The following SLC24A2 variants were observed in gnomAD, a reference collection of about 807,000 sequenced individuals.
SLC24A2 encodes the protein solute carrier family 24 member 2.
Under a neutral mutation model 62.0 loss-of-function variants are expected in SLC24A2, and 36 were observed. The ratio of observed to expected loss-of-function variants is 0.58; its 90% CI spans 0.44 to 0.77. The LOEUF is 0.77. Ranked by LOEUF, SLC24A2 falls within the 30% of genes least tolerant of loss-of-function variation. SLC24A2 has a pLI of 0.00. For synonymous variants in SLC24A2, 358 were observed against 294.0 expected (o/e 1.22, Z -2.23); for missense variants, 846 against 817.9 (o/e 1.03, Z -0.42).
chr9:20,050,245 A>AC, the SLC24A2 span, among the ~76,000 whole-genome samples: 3 of 150,966 alleles, frequency 2.0e-5, no homozygotes, highest in African/African-American at 7.3e-5. Context: ...CTCTACAAAA[A>AC]AAAAAAAAAA....
chr9:19,551,455 C>T, intron 7 of SLC24A2, among the ~76,000 whole-genome samples: 1 of 152,104 alleles, frequency 6.6e-6, no homozygotes, highest in East Asian at 1.9e-4. Context: ...TCAGCTGAGC[C>T]CTCAATACTT....
chr9:19,513,408 T>G lies in SLC24A2; in HGVS notation c.*2745A>C, dbSNP rs1832805396. The G allele has an allele frequency of 1.3e-5, 2 of 152,300 alleles. No homozygotes were observed. The highest frequency in any genetic ancestry group is 2.1e-4 in the South Asian group (1 of 4,820). The allele number at this position is 152,300 out of a possible 1,614,324, so 9.4% of individuals were successfully genotyped here. A position where few individuals can be genotyped will look rare whatever the true frequency, so the allele number is the denominator to read the frequency against. On this transcript the variant is annotated 3_prime_UTR_variant, in exon 11 of 11. Transcript: ENST00000341998. The stretch of plus-strand genomic sequence containing the variant: ...AAATGAAGGGAAAGCAAGGGCAGGC[T>G]GTGGAATCACTTGTGTCCCATCCAG...
the SLC24A2 span, among the ~76,000 whole-genome samples, chr9:19,894,603 C>T: frequency 1.3e-5 from 2 of 152,034 alleles, no homozygotes; most frequent in Non-Finnish European, 2.9e-5. Context: ...AACAACTTTC[C>T]TAATTCAATT....
chr9:19,652,430 G>C (rs1818828042), intron 2 of SLC24A2, among the ~76,000 whole-genome samples: 1 of 152,128 alleles, frequency 6.6e-6, no homozygotes, highest in Non-Finnish European at 1.5e-5. Flanking sequence ...GTAATCACAA[G>C]GGTCCTCATA....
the SLC24A2 span, among the ~76,000 whole-genome samples, chr9:19,832,330 G>C: frequency 3.3e-4 from 51 of 152,306 alleles, no homozygotes; most frequent in African/African-American, 1.2e-3. Flanking sequence ...GAATGTTATA[G>C]TTCTATATAC....
the SLC24A2 span, among the ~76,000 whole-genome samples, chr9:19,973,026 G>A: frequency 6.6e-6 from 1 of 152,186 alleles, no homozygotes; most frequent in East Asian, 1.9e-4. Context: ...ATCACAAAGT[G>A]TAGAAATAGG....
At chr9:19,581,489 G>C (rs982340221) in intron 5 of SLC24A2, among the ~76,000 whole-genome samples, 3 of 152,132 alleles carry the variant, frequency 2.0e-5, no homozygotes, top group Non-Finnish European at 4.4e-5. Context: ...GCTAAGAAGA[G>C]CATCCAGCTA....
At chr9:20,036,589 T>C in the SLC24A2 span, among the ~76,000 whole-genome samples, 1 of 152,238 alleles carries the variant, frequency 6.6e-6, no homozygotes, top group Non-Finnish European at 1.5e-5. Flanking sequence ...ATGCAGTATC[T>C]GATTTTCTGC....
the SLC24A2 span, among the ~76,000 whole-genome samples, chr9:20,231,577 C>A: frequency 6.6e-6 from 1 of 151,874 alleles, no homozygotes; most frequent in Non-Finnish European, 1.5e-5. Flanking sequence ...TTTGTGCACA[C>A]TGATTTTGTA....
In SLC24A2 at chr9:19,514,170, T is replaced by G. The variant is rs923386895; in HGVS notation, c.*1983A>C. 4 of 152,244 alleles carry G rather than the reference T, an allele frequency of 2.6e-5. No homozygotes were observed. Among genetic ancestry groups the G allele is most frequent in the Non-Finnish European group, 4.4e-5 (3 of 68,074 alleles). 9.4% of individuals were successfully genotyped at this position (152,244 alleles called of 1,614,324 possible). On this transcript the variant is annotated 3_prime_UTR_variant, in exon 11 of 11. Coordinates refer to ENST00000341998, the MANE Select transcript of SLC24A2 (RefSeq NM_020344.4). The stretch of plus-strand genomic sequence containing the variant: ...GGCATTTCCTGTTATTGCCATGCTC[T>G]GTGGGGTGAGCTGAGGTTTTCTGGA...
chr9:20,105,288 A>G, the SLC24A2 span, among the ~76,000 whole-genome samples: 1 of 152,184 alleles, frequency 6.6e-6, no homozygotes, highest in Non-Finnish European at 1.5e-5. Context: ...AGACAGATCA[A>G]CGAGACAGAA....
At chr9:19,932,574 G>A in the SLC24A2 span, among the ~76,000 whole-genome samples, 1 of 152,258 alleles carries the variant, frequency 6.6e-6, no homozygotes, top group African/African-American at 2.4e-5. Flanking sequence ...TATTGTATGG[G>A]TGACTCACGG....
chr9:19,732,984 A>C (rs926910442), intron 2 of SLC24A2, among the ~76,000 whole-genome samples: 4 of 152,154 alleles, frequency 2.6e-5, no homozygotes, highest in Non-Finnish European at 2.9e-5. Flanking sequence ...AGAGGGAGGT[A>C]TCCCTTAGAC....
chr9:20,168,304 T>G, the SLC24A2 span, among the ~76,000 whole-genome samples: 2 of 151,938 alleles, frequency 1.3e-5, no homozygotes, highest in Non-Finnish European at 2.9e-5. Flanking sequence ...TTAAAATTAT[T>G]TCAAACTAAA....
chr9:19,713,123 A>G (rs1314954688), intron 2 of SLC24A2, among the ~76,000 whole-genome samples: 2 of 152,090 alleles, frequency 1.3e-5, no homozygotes, highest in Non-Finnish European at 2.9e-5. Flanking sequence ...ATCATATCAG[A>G]TACTTCTTTG....
chr9:19,623,260 T>C (rs1349638562), intron 2 of SLC24A2, among the ~76,000 whole-genome samples: 8 of 152,190 alleles, frequency 5.3e-5, no homozygotes, highest in Admixed American at 5.2e-4. Flanking sequence ...CAACTACAGG[T>C]GCAGACAGCA....
At chr9:19,542,837 C>G (rs555131240) in intron 8 of SLC24A2, among the ~76,000 whole-genome samples, 136 of 152,124 alleles carry the variant, frequency 8.9e-4, no homozygotes, top group African/African-American at 3.2e-3. Context: ...ATTTGGTTTG[C>G]CAGTATTTTA....
At chr9:19,670,334 T>C (rs532468387) in intron 2 of SLC24A2, among the ~76,000 whole-genome samples, 1 of 152,280 alleles carries the variant, frequency 6.6e-6, no homozygotes, top group East Asian at 1.9e-4. Flanking sequence ...CTTCCAAATA[T>C]AACTATAGAA....
In SLC24A2 at chr9:19,665,367, C is replaced by T. The variant is rs192071290; in HGVS notation, c.931-43068G>A. ...ACTGCTAGCACTTCAGATGTGGGGGCGAGGGTGAGGGGCTGGCAGCTGGGA... is the reference window on the plus strand; with the variant it reads ...ACTGCTAGCACTTCAGATGTGGGGGTGAGGGTGAGGGGCTGGCAGCTGGGA... On this transcript the variant is annotated intron_variant, in intron 2 of 10. Transcript: ENST00000341998. 3.9e-5 allele frequency among the ~76,000 whole-genome samples: 6 copies of T among 151,990 alleles called. No homozygotes were observed. In the East Asian group the frequency reaches 7.7e-4, roughly 20 times the overall value.
Sources: allele counts gnomAD v4.1 joint callset (sites outside exome capture counted in the v4.1 genomes callset), GRCh38; gene constraint gnomAD v4.1.1; transcripts MANE v1.5; gene names NCBI Gene and HGNC (gene_info 2026-07-23, HGNC 2026-07-21).